Variants in PPIL4 observed in about 807,000 individuals in gnomAD.
PPIL4 encodes peptidylprolyl isomerase like 4.
In PPIL4, 50 loss-of-function variants were observed where a neutral mutation model predicts 69.1. That is an observed-to-expected ratio of 0.72 (90% CI 0.58 to 0.92). PPIL4 has a LOEUF of 0.92. PPIL4 is among the 40% of genes least tolerant of loss of function. The pLI, the probability that PPIL4 is intolerant of heterozygous loss-of-function variation, is 0.00. For synonymous variants in PPIL4, 193 were observed against 191.6 expected, an observed-to-expected ratio of 1.01 and a Z score of -0.06; for missense variants, 480 against 587.9, an observed-to-expected ratio of 0.82 and a Z score of 1.90.
At chr6:149,525,280 A>AG in intron 8 of PPIL4, 71 bp from the exon 9 acceptor site, 2 of 754,638 alleles carry the variant, frequency 2.7e-6, no homozygotes, top group Non-Finnish European at 4.4e-6. Flanking sequence ...CACTCTTCAA[A>AG]ACTGAAGAAG....
intron 9 of PPIL4, among the ~76,000 whole-genome samples, chr6:149,523,681 ACT>A (rs562417166): frequency 3.3e-4 from 50 of 152,068 alleles, no homozygotes; most frequent in African/African-American, 8.9e-4. Context: ...ACAAAGCAAA[ACT>A]CTGTTTCAAA....
chr6:149,533,026 T>G (rs1016267600), intron 7 of PPIL4, among the ~76,000 whole-genome samples: 1 of 152,214 alleles, frequency 6.6e-6, no homozygotes, highest in African/African-American at 2.4e-5. Flanking sequence ...GACTTCAGGT[T>G]GTTAGTAATA....
At chr6:149,543,090 C>T (rs886575567) in intron 1 of PPIL4, among the ~76,000 whole-genome samples, 1 of 152,084 alleles carries the variant, frequency 6.6e-6, no homozygotes, top group Non-Finnish European at 1.5e-5. Context: ...CATCAAAATC[C>T]GATGGGAACA....
intron 7 of PPIL4, among the ~76,000 whole-genome samples, chr6:149,529,712 G>A (rs60423891): frequency 2.2e-4 from 32 of 145,872 alleles, no homozygotes; most frequent in Non-Finnish European, 3.9e-4. Flanking sequence ...GCAGTGAGCC[G>A]AGATAATGCC....
chr6:149,545,578 T>C (rs937251916), intron 1 of PPIL4, among the ~76,000 whole-genome samples: 2 of 152,214 alleles, frequency 1.3e-5, no homozygotes, highest in African/African-American at 4.8e-5. Context: ...ATAGTTCCTA[T>C]GTTCCTCTCA....
intron 4 of PPIL4, among the ~76,000 whole-genome samples, chr6:149,537,657 G>T (rs1777298228): frequency 6.6e-6 from 1 of 151,586 alleles, no homozygotes; most frequent in South Asian, 2.1e-4. Flanking sequence ...AGTGAGCAGA[G>T]ATTGCGCCAC....
At chr6:149,521,554 A>G (rs1777030373) in intron 9 of PPIL4, among the ~76,000 whole-genome samples, 1 of 152,198 alleles carries the variant, frequency 6.6e-6, no homozygotes, top group Non-Finnish European at 1.5e-5. Flanking sequence ...TTGTGTTCCT[A>G]AGTTTGTTGT....
chr6:149,511,965 T>C (rs1244469955), intron 12 of PPIL4, among the ~76,000 whole-genome samples, 190 bp downstream of exon 12: 1 of 152,256 alleles, frequency 6.6e-6, no homozygotes, highest in South Asian at 2.1e-4. Flanking sequence ...AAAAATGATC[T>C]TTTATCATTT....
At chr6:149,525,985 G>C (rs1400088406) in intron 8 of PPIL4, among the ~76,000 whole-genome samples, 2 of 152,138 alleles carry the variant, frequency 1.3e-5, no homozygotes, top group East Asian at 1.9e-4. Flanking sequence ...TGTAGTCCCA[G>C]CTACTCAGGA....
rs1777325090 is a variant in PPIL4, at chr6:149,539,284, TAAA to T, written c.321+1655_321+1657del. Among the ~76,000 whole-genome samples, 7 of 152,216 alleles carry T rather than the reference TAAA, an allele frequency of 4.6e-5. No individual in the cohort carries two copies. In the South Asian group the frequency reaches 1.4e-3, roughly 31 times the overall value. On this transcript the variant is annotated intron_variant, in intron 4 of 12. Transcript: ENST00000253329. ...GGTCTGAGAGGATTGACTTCAATCT[TAAA>T]AGAATTCTACTAAATGCTATCCAAC... is the stretch of plus-strand genomic sequence containing the variant.
At chr6:149,505,982 C>T (rs1583201527) in intron 12 of PPIL4, among the ~76,000 whole-genome samples, 1 of 152,174 alleles carries the variant, frequency 6.6e-6, no homozygotes, top group Admixed American at 6.5e-5. Flanking sequence ...GAAATCAGAA[C>T]ATGTCTCTAG....
chr6:149,529,009 A>C (rs2115035246), intron 7 of PPIL4, among the ~76,000 whole-genome samples: 1 of 152,288 alleles, frequency 6.6e-6, no homozygotes, highest in East Asian at 1.9e-4. Context: ...CAGGAAGATC[A>C]CTTGAACCTG....
chr6:149,506,662 T>C (rs1776775744), intron 12 of PPIL4, among the ~76,000 whole-genome samples: 2 of 152,214 alleles, frequency 1.3e-5, no homozygotes, highest in Admixed American at 6.5e-5. Flanking sequence ...GGCACGATCA[T>C]GGCTCACTGT....
At chr6:149,540,601 G>A (rs1448366134) in intron 4 of PPIL4, among the ~76,000 whole-genome samples, 1 of 152,150 alleles carries the variant, frequency 6.6e-6, no homozygotes, top group Non-Finnish European at 1.5e-5. Flanking sequence ...GGGAGACAGA[G>A]TGAGACTACA....
intron 7 of PPIL4, among the ~76,000 whole-genome samples, chr6:149,532,400 T>C (rs2115036996): frequency 6.6e-6 from 1 of 152,340 alleles, no homozygotes; most frequent in South Asian, 2.1e-4. Context: ...AAGTAACTTA[T>C]TCTTTCTGCC....
At chr6:149,511,391 G>A (rs1195399945) in intron 12 of PPIL4, among the ~76,000 whole-genome samples, 1 of 151,046 alleles carries the variant, frequency 6.6e-6, no homozygotes, top group Non-Finnish European at 1.5e-5. Context: ...CACCATGCCT[G>A]GCCAATTGTG....
intron 6 of PPIL4, among the ~76,000 whole-genome samples, 189 bp from the exon 7 acceptor site, chr6:149,533,763 A>AT (rs1777234350): frequency 2.0e-5 from 3 of 152,170 alleles, no homozygotes; most frequent in African/African-American, 7.2e-5. Context: ...CTAAAAAAAA[A>AT]TTTTTAATAA....
Position 149,512,158 on chromosome 6 carries a change from AT to A in PPIL4, c.1223del (p.Asn408IlefsTer88), listed in dbSNP as rs1188427409. 1 of 1,603,954 alleles carries A rather than the reference AT, an allele frequency of 6.2e-7. No homozygotes were observed. Among genetic ancestry groups the A allele is most frequent in the African/African-American group, 1.3e-5 (1 of 74,390 alleles). On this transcript the variant is annotated frameshift_variant, in exon 12 of 13. Transcript: ENST00000253329. LOFTEE classifies it high-confidence loss of function. ...TAAGTCTGGACATTAGAGGTACCTG[AT>A]TAGTATTTTTGATTGGCATGTAGTC... is the stretch of plus-strand genomic sequence containing the variant. Reference protein sequence around the residue: ...DEDYMPIKNTNQDIYREMGFG... With the variant: ...DEDYMPIKNTXQDIYREMGFG...
At chr6:149,535,527 A>T in intron 5 of PPIL4, 69 bp downstream of exon 5, 1 of 1,264,396 alleles carries the variant, frequency 7.9e-7, no homozygotes. Context: ...TCCTATCCAT[A>T]CCACTACGTG....
Sources: allele counts gnomAD v4.1 joint callset (sites outside exome capture counted in the v4.1 genomes callset), GRCh38; gene constraint gnomAD v4.1.1; transcripts MANE v1.5; gene names NCBI Gene and HGNC (gene_info 2026-07-23, HGNC 2026-07-21).